The following NLRP9 variants were observed in gnomAD, a reference collection of about 807,000 sequenced individuals.
NLRP9 encodes NACHT, LRR and PYD domains-containing protein 9.
Under a neutral mutation model 83.1 loss-of-function variants are expected in NLRP9, and 88 were observed. That is an observed-to-expected ratio of 1.06 (90% CI 0.89 to 1.26). The LOEUF (loss-of-function observed/expected upper bound fraction) is 1.26, where lower values mean the gene tolerates loss of function less well. Ranked by LOEUF, NLRP9 falls within the 50% of genes most tolerant of loss-of-function variation. The pLI is 0.00. For missense variants in NLRP9, 1,308 were observed against 1,179.3 expected (o/e 1.11, Z -1.60); for synonymous variants, 521 against 447.6 (o/e 1.16, Z -2.07).
rs1197022241 is a variant in NLRP9 at position 55,733,076 on chromosome 19, G to GGCTGCC, written c.749_754dup (p.Arg250_Gln251dup). ...CAAACTGCTCAGGATAATTGGCATT[G>GGCTGCC]GCTGCCGCTGCCTCCAATCATCGCT... On this transcript the variant is annotated inframe_insertion, in exon 2 of 9. Coordinates refer to ENST00000332836, the MANE Select transcript of NLRP9 (RefSeq NM_176820.4). 7 of 1,613,738 alleles carry GGCTGCC rather than the reference G, an allele frequency of 4.3e-6. No individual in the cohort carries two copies. The Admixed American group carries it at 5.0e-5, about 12-fold the overall frequency.
At chr19:55,711,085 C>CA (rs770121384) in intron 8 of NLRP9, among the ~76,000 whole-genome samples, 2,144 of 112,206 alleles carry the variant, frequency 0.019, 45 homozygotes, top group African/African-American at 0.042. Context: ...GACTCTGCCT[C>CA]AAAAAAACAA....
intron 4 of NLRP9, among the ~76,000 whole-genome samples, chr19:55,720,094 C>T (rs1224283618): frequency 6.6e-6 from 1 of 152,150 alleles, no homozygotes; most frequent in African/African-American, 2.4e-5. Context: ...TATTTTTGGT[C>T]TCAAATACAC....
rs1398939784 is a variant in NLRP9, at chr19:55,735,156, CTG to C, written c.281-1608_281-1607del. 3.3e-5 allele frequency among the ~76,000 whole-genome samples: 5 copies of C among 152,236 alleles called. No homozygotes were observed. In the South Asian group the frequency reaches 1.0e-3, roughly 32 times the overall value. ...GTCTGTGCTCTCCTTGCACACTCGT[CTG>C]TGGACATCACAGGAGGGAACAGCAT... is the stretch of plus-strand genomic sequence containing the variant. On this transcript the variant is annotated intron_variant, in intron 1 of 8. Transcript: ENST00000332836.
At chr19:55,728,620 C>T (rs1321243489) in intron 3 of NLRP9, among the ~76,000 whole-genome samples, 1 of 152,140 alleles carries the variant, frequency 6.6e-6, no homozygotes, top group Non-Finnish European at 1.5e-5. Flanking sequence ...AAAAAGACAT[C>T]AGCCAAGGAC....
chr19:55,730,527 A>C (rs1470072249), intron 2 of NLRP9, among the ~76,000 whole-genome samples: 2 of 152,130 alleles, frequency 1.3e-5, no homozygotes, highest in Non-Finnish European at 2.9e-5. Flanking sequence ...TCAATGATAG[A>C]CTGGATAAAG....
At chr19:55,730,048 C>A in intron 2 of NLRP9, 56 bp from the exon 3 acceptor site, 3 of 1,513,730 alleles carry the variant, frequency 2.0e-6, no homozygotes, top group Non-Finnish European at 2.7e-6. Context: ...TCAAGACATT[C>A]TCAAAACAGG....
In NLRP9 at chr19:55,736,485, C is replaced by T. The variant is rs116711147; in HGVS notation, c.280+1610G>A. 3.8e-3 allele frequency among the ~76,000 whole-genome samples: 577 copies of T among 152,244 alleles called. 2 individuals are homozygous for T. The highest frequency in any genetic ancestry group is 0.013 in the African/African-American group (553 of 41,532). ...GAAACTCTCAGTTCAGACACTGACT[C>T]GGTCATTTTTTCATCTGCCAACATA... is the stretch of plus-strand genomic sequence containing the variant. On this transcript the variant is annotated intron_variant, in intron 1 of 8. Transcript: ENST00000332836.
In NLRP9 at chr19:55,711,797, C is replaced by T. The variant is rs756711884; in HGVS notation, c.2843+3G>A. On this transcript the variant is annotated splice_donor_region_variant and intron_variant, in intron 8 of 8. Coordinates refer to ENST00000332836, the MANE Select transcript of NLRP9 (RefSeq NM_176820.4). ...CACCCCAAAGGAAACAGTGTCCACTCACCCCAGCATCTGCAGGGCACAGTC... is the reference window on the plus strand; with the variant it reads ...CACCCCAAAGGAAACAGTGTCCACTTACCCCAGCATCTGCAGGGCACAGTC... 2 of 1,612,666 alleles carry T rather than the reference C, an allele frequency of 1.2e-6. No homozygotes were observed. Among genetic ancestry groups the T allele is most frequent in the Non-Finnish European group, 1.7e-6 (2 of 1,179,536 alleles).
chr19:55,733,823 T>TA (rs1988684847), intron 1 of NLRP9, among the ~76,000 whole-genome samples: 1 of 152,080 alleles, frequency 6.6e-6, no homozygotes, highest in Admixed American at 6.6e-5. Context: ...CCTGTGCAAA[T>TA]AAGGATGTGG....
intron 6 of NLRP9, 113 bp from the exon 7 acceptor site, chr19:55,712,703 ATGAGGAGGG>A (rs1433959493): frequency 2.4e-5 from 14 of 590,284 alleles, no homozygotes; most frequent in Non-Finnish European, 3.5e-5. Context: ...ATCTGAGATG[ATGAGGAGGG>A]TGGGGAGGGG....
intron 8 of NLRP9, 130 bp downstream of exon 8, chr19:55,711,670 G>A (rs1343429636): frequency 6.4e-6 from 6 of 934,802 alleles, no homozygotes; most frequent in Non-Finnish European, 9.9e-6. Context: ...TGTCAACAGG[G>A]GCCCAAGGAC....
chr19:55,731,502 T>C (rs1027563685), intron 2 of NLRP9, among the ~76,000 whole-genome samples: 1 of 151,844 alleles, frequency 6.6e-6, no homozygotes, highest in African/African-American at 2.4e-5. Context: ...GATGGGTGGA[T>C]CACCTGAGTT....
intron 6 of NLRP9, among the ~76,000 whole-genome samples, chr19:55,713,072 G>T (rs1282090787): frequency 4.0e-5 from 6 of 150,104 alleles, no homozygotes; most frequent in Non-Finnish European, 4.4e-5. Context: ...CTTCTCTCCT[G>T]CCTGGCTCTC....
At chr19:55,731,753 C>T (rs1442664825) in intron 2 of NLRP9, among the ~76,000 whole-genome samples, 4 of 151,372 alleles carry the variant, frequency 2.6e-5, no homozygotes, top group Admixed American at 2.0e-4. Flanking sequence ...TCCTGCTAGC[C>T]GCCTCTTAAT....
intron 3 of NLRP9, among the ~76,000 whole-genome samples, chr19:55,726,482 G>C (rs1190694760): frequency 6.6e-6 from 1 of 152,172 alleles, no homozygotes; most frequent in Non-Finnish European, 1.5e-5. Flanking sequence ...CCCAGCGTTA[G>C]GGATTAAGGA....
chr19:55,719,492 C>T (rs891358498), intron 4 of NLRP9, among the ~76,000 whole-genome samples: 6 of 152,234 alleles, frequency 3.9e-5, no homozygotes, highest in Non-Finnish European at 1.5e-5. Flanking sequence ...CTCCATCCCG[C>T]TCAAAGGGCA....
intron 1 of NLRP9, 25 bp from the exon 2 acceptor site, chr19:55,733,575 A>C (rs779075841): frequency 7.6e-7 from 1 of 1,314,512 alleles, no homozygotes; most frequent in Non-Finnish European, 1.1e-6. Context: ...ACAGGATATA[A>C]GATAGGTAAA....
rs578080889 is a variant in NLRP9 at position 55,721,500 on chromosome 19, T to A, written c.2159+2480A>T. Among the ~76,000 whole-genome samples, 309 of 152,288 alleles carry A rather than the reference T, an allele frequency of 2.0e-3. 4 individuals carry two copies. Among genetic ancestry groups the A allele is most frequent in the African/African-American group, 7.1e-3 (295 of 41,560 alleles). On this transcript the variant is annotated intron_variant, in intron 4 of 8. Coordinates refer to ENST00000332836, the MANE Select transcript of NLRP9 (RefSeq NM_176820.4). ...ATACCCCATTCTGTTTTAGCCAAGC[T>A]GACCCCCTCCCACCACCAGAAGAGA...
chr19:55,729,472 G>A (rs978864798), intron 3 of NLRP9, among the ~76,000 whole-genome samples: 4 of 152,082 alleles, frequency 2.6e-5, no homozygotes, highest in African/African-American at 9.7e-5. Flanking sequence ...ACCTATGAGT[G>A]AGAACATGCG....
Sources: gnomAD v4.1 joint callset for allele counts (sites outside exome capture counted in the v4.1 genomes callset) on GRCh38, gnomAD v4.1.1 for gene constraint, MANE v1.5 for transcripts, NCBI Gene and HGNC (gene_info 2026-07-23, HGNC 2026-07-21) for gene names.